FBXW2: variants seen among roughly 807,000 people sequenced by gnomAD.
FBXW2 encodes the protein F-box and WD repeat domain containing 2.
FBXW2 carries 12 observed loss-of-function variants against 46.0 expected under a neutral mutation model. The observed-to-expected ratio is 0.26, with a 90% confidence interval of 0.17 to 0.42. The LOEUF (loss-of-function observed/expected upper bound fraction) is 0.42. Ranked by LOEUF, FBXW2 falls within the 10% of genes least tolerant of loss-of-function variation. The pLI is 1.00. For missense variants in FBXW2, 360 were observed against 537.0 expected, an observed-to-expected ratio of 0.67 and a Z score of 3.26; for synonymous variants, 203 against 209.6, an observed-to-expected ratio of 0.97 and a Z score of 0.27.
chr9:120,781,725 A>G (rs2416800), intron 3 of FBXW2, among the ~76,000 whole-genome samples: 68,422 of 151,484 alleles, frequency 0.45, 18,307 homozygotes, highest in South Asian at 0.7. Context: ...ATTCAGCCTT[A>G]AAAAGGAATA....
intron 3 of FBXW2, among the ~76,000 whole-genome samples, chr9:120,782,863 C>T (rs914475907): frequency 1.3e-5 from 2 of 151,910 alleles, no homozygotes; most frequent in African/African-American, 2.4e-5. Flanking sequence ...AAGAAAACCC[C>T]CCCAAAAACA....
chr9:120,789,319 TTTTCTCCTTTAGGAG>T (rs1479371025), intron 2 of FBXW2, among the ~76,000 whole-genome samples: 10 of 152,332 alleles, frequency 6.6e-5, no homozygotes, highest in Admixed American at 2.0e-4. Flanking sequence ...CGTTAGACCA[TTTTCTCCTTTAGGAG>T]AATGACAAAT....
rs778245926 is a variant in FBXW2, at chr9:120,776,183, G to A, written c.729C>T (p.Ser243=). ...DYNDELDILV[S]GSADFTVKVW... is the part of the protein sequence containing the mutation. Reference sequence around the variant, plus strand: ...CTTTCACAGTGAAGTCTGCAGAGCCGCTCACCAAGATATCCAGTTCATCAT... The same window carrying A: ...CTTTCACAGTGAAGTCTGCAGAGCCACTCACCAAGATATCCAGTTCATCAT... The change falls in exon 5 of 8, where the codon AGC becomes AGT. Residue 243 remains serine, a synonymous_variant. Coordinates refer to ENST00000608872, the MANE Select transcript of FBXW2 (RefSeq NM_012164.4). The A allele has an allele frequency of 2.1e-5, 34 of 1,613,974 alleles. No individual in the cohort carries two copies. The Admixed American group carries it at 4.8e-4, about 23-fold the overall frequency.
At chr9:120,789,379 T>A (rs370749678) in intron 2 of FBXW2, among the ~76,000 whole-genome samples, 32 of 152,364 alleles carry the variant, frequency 2.1e-4, no homozygotes, top group African/African-American at 7.2e-4. Flanking sequence ...TAATTTTTTT[T>A]AAAGTATCCT....
chr9:120,765,760 C>T (rs994768782), intron 7 of FBXW2, among the ~76,000 whole-genome samples: 1 of 151,932 alleles, frequency 6.6e-6, no homozygotes, highest in African/African-American at 2.4e-5. Context: ...AACTTAGAAA[C>T]ATTTATTAAT....
At chr9:120,783,095 G>T (rs568100773) in intron 3 of FBXW2, among the ~76,000 whole-genome samples, 1 of 151,260 alleles carries the variant, frequency 6.6e-6, no homozygotes, top group Non-Finnish European at 1.5e-5. Flanking sequence ...GTATGTTTTC[G>T]CACAATTTGC....
In FBXW2 at chr9:120,776,323, T is replaced by C. The variant is rs1378043832; in HGVS notation, c.686-97A>G. ...GTTTATTTTCCCCAATTATATAATT[T>C]CCCAACCAGAGACACCGTAAGAATG... is the stretch of plus-strand genomic sequence containing the variant. On this transcript the variant is annotated intron_variant, in intron 4 of 7. Coordinates refer to ENST00000608872, the MANE Select transcript of FBXW2 (RefSeq NM_012164.4). 3 of 1,396,342 alleles carry C rather than the reference T, an allele frequency of 2.1e-6. No individual in the cohort carries two copies. The African/African-American group carries it at 4.4e-5, about 20-fold the overall frequency. 86.5% of individuals were successfully genotyped at this position (1,396,342 alleles called of 1,614,324 possible).
chr9:120,776,167 T>C lies in FBXW2; in HGVS notation c.745A>G (p.Thr249Ala), dbSNP rs1294963492. The C allele has an allele frequency of 6.2e-7, 1 of 1,614,086 alleles. No homozygotes were observed. The highest frequency in any genetic ancestry group is 8.5e-7 in the Non-Finnish European group (1 of 1,180,038). Reference sequence around the variant, plus strand: ...GCAGATAAAGCCCATACTTTCACAGTGAAGTCTGCAGAGCCGCTCACCAAG... The same window carrying C: ...GCAGATAAAGCCCATACTTTCACAGCGAAGTCTGCAGAGCCGCTCACCAAG... Reference protein sequence around the residue: ...DILVSGSADFTVKVWALSAGT... With the variant: ...DILVSGSADFAVKVWALSAGT... Residue 249 changes from threonine to alanine, a missense_variant, in exon 5 of 8, where the codon ACT becomes GCT. Coordinates refer to ENST00000608872, the MANE Select transcript of FBXW2 (RefSeq NM_012164.4).
chr9:120,770,243 GCGGGCGCCTGTAGTCCCAGCTACT>G (rs2044350564), intron 7 of FBXW2, among the ~76,000 whole-genome samples: 1 of 152,112 alleles, frequency 6.6e-6, no homozygotes, highest in African/African-American at 2.4e-5. Flanking sequence ...GGGCATGGTG[GCGGGCGCCTGTAGTCCCAGCTACT>G]CGGGAGGCTG....
At chr9:120,793,305 C>T (rs1209027853) in intron 1 of FBXW2, 48 bp from the exon 2 acceptor site, 73 of 443,322 alleles carry the variant, frequency 1.6e-4, no homozygotes, top group Middle Eastern at 5.6e-4. Flanking sequence ...AGCAGAGCCG[C>T]GGGCGCCTAA....
In FBXW2 at chr9:120,759,441, C is replaced by G. The variant is rs910954626; in HGVS notation, c.*5118G>C. On this transcript the variant is annotated 3_prime_UTR_variant, in exon 8 of 8. Coordinates refer to ENST00000608872, the MANE Select transcript of FBXW2 (RefSeq NM_012164.4). ...TTAAGCAACCTCTTCTTCCCCCTAC[C>G]CCACACAGTTCAAATATAAACTTTA... The G allele has an allele frequency of 6.6e-6, 1 of 152,212 alleles. No homozygotes were observed. The allele number at this position is 152,212 out of a possible 1,614,324, so 9.4% of individuals were successfully genotyped here.
chr9:120,764,567 G>A lies in FBXW2; in HGVS notation c.1357C>T (p.His453Tyr), dbSNP rs887342292. ...HSIHLVLWKE[H>Y]G Reference sequence around the variant, plus strand: ...GGTGGTGGCTCATGGTGTCAGCCGTGCTCCTTCCACAACACCAGGTGAATA... The same window carrying A: ...GGTGGTGGCTCATGGTGTCAGCCGTACTCCTTCCACAACACCAGGTGAATA... The change falls in exon 8 of 8, where the codon CAC becomes TAC. Residue 453 changes from histidine to tyrosine, a missense_variant. Coordinates refer to ENST00000608872, the MANE Select transcript of FBXW2 (RefSeq NM_012164.4). The A allele has an allele frequency of 9.9e-6, 16 of 1,611,842 alleles. No individual in the cohort carries two copies. The highest frequency in any genetic ancestry group is 1.4e-5 in the Non-Finnish European group (16 of 1,178,134).
rs2044216016 is a variant in FBXW2, at chr9:120,762,769, G to A, written c.*1790C>T. Reference sequence around the variant, plus strand: ...TGCTTTATACTGGAGTCAGCAAGAAGGAATAACTCATGTTCCCAGACATAA... The same window carrying A: ...TGCTTTATACTGGAGTCAGCAAGAAAGAATAACTCATGTTCCCAGACATAA... On this transcript the variant is annotated 3_prime_UTR_variant, in exon 8 of 8. Transcript: ENST00000608872. 6.6e-6 allele frequency: 1 copy of A among 152,230 alleles called. No homozygotes were observed. The highest frequency in any genetic ancestry group is 2.4e-5 in the African/African-American group (1 of 41,446). 9.4% of individuals were successfully genotyped at this position (152,230 alleles called of 1,614,324 possible).
chr9:120,791,787 G>A (rs892078685), intron 2 of FBXW2, among the ~76,000 whole-genome samples: 1 of 152,094 alleles, frequency 6.6e-6, no homozygotes, highest in Admixed American at 6.5e-5. Flanking sequence ...TTCCCAGTAG[G>A]TGCCTTATTC....
At chr9:120,790,467 G>C (rs1042339296) in intron 2 of FBXW2, among the ~76,000 whole-genome samples, 1 of 151,980 alleles carries the variant, frequency 6.6e-6, no homozygotes, top group African/African-American at 2.4e-5. Flanking sequence ...CGGGGCGAGA[G>C]AGCAAGACTC....
chr9:120,770,602 A>T (rs2044358628), intron 7 of FBXW2, among the ~76,000 whole-genome samples: 1 of 152,184 alleles, frequency 6.6e-6, no homozygotes, highest in Non-Finnish European at 1.5e-5. Context: ...TCCTCATCAC[A>T]AGCATTTCAT....
At position 120,764,856 on chromosome 9, in the gene FBXW2, A is replaced by G; in HGVS notation, c.1077-9T>C. On this transcript the variant is annotated splice_polypyrimidine_tract_variant and intron_variant, in intron 7 of 7. Transcript: ENST00000608872. ...CAGGAGTCTTGATGACCCTACAAGG[A>G]TGAGAGTTAGGGACTGTGAAAGAAG... 1.9e-6 allele frequency: 3 copies of G among 1,563,276 alleles called. No individual in the cohort carries two copies. The highest frequency in any genetic ancestry group is 2.6e-6 in the Non-Finnish European group (3 of 1,151,988).
intron 3 of FBXW2, among the ~76,000 whole-genome samples, chr9:120,780,883 G>A (rs1450631322): frequency 1.3e-5 from 2 of 152,120 alleles, no homozygotes; most frequent in East Asian, 1.9e-4. Flanking sequence ...AGGACAAGAA[G>A]AGAAAACATC....
Position 120,758,285 on chromosome 9 carries a change from T to G in FBXW2, c.*6274A>C, listed in dbSNP as rs1484101086. The G allele has an allele frequency of 6.6e-6, 1 of 152,054 alleles. No individual in the cohort carries two copies. The highest frequency in any genetic ancestry group is 1.5e-5 in the Non-Finnish European group (1 of 68,008). The allele number at this position is 152,054 out of a possible 1,614,324, so 9.4% of individuals were successfully genotyped here. A position where few individuals can be genotyped will look rare whatever the true frequency, so the allele number is the denominator to read the frequency against. On this transcript the variant is annotated 3_prime_UTR_variant, in exon 8 of 8. Transcript: ENST00000608872. ...GCCCTAGGACTGGTGGAAAGGAACA[T>G]CAAGAACTTTCCACGAGGATGGGAG...
Sources: allele counts gnomAD v4.1 joint callset (sites outside exome capture counted in the v4.1 genomes callset), GRCh38; gene constraint gnomAD v4.1.1; transcripts MANE v1.5; gene names NCBI Gene and HGNC (gene_info 2026-07-23, HGNC 2026-07-21).